The following SLF2 variants were observed in gnomAD, a reference collection of about 807,000 sequenced individuals.
The protein encoded by SLF2 is SMC5-SMC6 complex localization factor protein 2.
A neutral mutation model predicts 124.3 loss-of-function variants in SLF2; 68 were observed. That is an observed-to-expected ratio of 0.55 (90% CI 0.45 to 0.67). The LOEUF (loss-of-function observed/expected upper bound fraction) is 0.67. SLF2 is among the 30% of genes least tolerant of loss of function. SLF2 has a pLI of 0.00. For missense variants in SLF2, 1,246 were observed against 1,373.7 expected (o/e 0.91, Z 1.47); for synonymous variants, 480 against 478.8 (o/e 1.00, Z -0.03).
At chr10:100,923,897 G>T in intron 4 of SLF2, 78 bp from the exon 5 acceptor site, 1 of 1,138,202 alleles carries the variant, frequency 8.8e-7, no homozygotes, top group Non-Finnish European at 1.2e-6. Flanking sequence ...CTTTCATTAG[G>T]GTGTTCTAGA....
Position 100,950,053 on chromosome 10 carries a change from A to G in SLF2, c.3121-23A>G, listed in dbSNP as rs766081847. 3.2e-5 allele frequency: 50 copies of G among 1,544,352 alleles called. No homozygotes were observed. The South Asian group carries it at 4.3e-4, about 13-fold the overall frequency. Reference sequence around the variant, plus strand: ...CAACTATATTATTTAGCTTTGTTCAATGTCTCCTCTTTCTTTTGATAGGTA... The same window carrying G: ...CAACTATATTATTTAGCTTTGTTCAGTGTCTCCTCTTTCTTTTGATAGGTA... On this transcript the variant is annotated intron_variant, in intron 15 of 19. Coordinates refer to ENST00000238961, the MANE Select transcript of SLF2 (RefSeq NM_018121.4).
chr10:100,938,497 C>G, intron 10 of SLF2, 98 bp from the exon 11 acceptor site: 1 of 1,188,354 alleles, frequency 8.4e-7, no homozygotes, highest in Non-Finnish European at 1.2e-6. Flanking sequence ...TCTATAAAAC[C>G]ATTGTAATTA....
rs537680489 is a variant in SLF2, at chr10:100,954,779, C to CA, written c.3331-1665dup. ...GCAACATAGCAAGATGCTGTCTCTACAAAAAAACAAAAACTAGCTAAGTGT... is the reference window on the plus strand; with the variant it reads ...GCAACATAGCAAGATGCTGTCTCTACAAAAAAAACAAAAACTAGCTAAGTGT... On this transcript the variant is annotated intron_variant, in intron 17 of 19. Coordinates refer to ENST00000238961, the MANE Select transcript of SLF2 (RefSeq NM_018121.4). Among the ~76,000 whole-genome samples the CA allele has an allele frequency of 3.9e-5, 6 of 151,934 alleles. No homozygotes were observed. In the East Asian group the frequency reaches 7.7e-4, roughly 20 times the overall value.
intron 4 of SLF2, among the ~76,000 whole-genome samples, chr10:100,920,502 T>A (rs1172263486): frequency 6.6e-6 from 1 of 152,238 alleles, no homozygotes; most frequent in Non-Finnish European, 1.5e-5. Context: ...TGCATGTGTT[T>A]CATAATCACT....
intron 13 of SLF2, among the ~76,000 whole-genome samples, chr10:100,946,680 C>T (rs900352765): frequency 6.6e-6 from 1 of 152,026 alleles, no homozygotes; most frequent in African/African-American, 2.4e-5. Flanking sequence ...GCAAGAAATC[C>T]CAAATCAGGA....
At chr10:100,946,325 C>CTTT (rs34242980) in intron 13 of SLF2, among the ~76,000 whole-genome samples, 6 of 124,960 alleles carry the variant, frequency 4.8e-5, no homozygotes, top group South Asian at 2.6e-4. Flanking sequence ...GGGTGTTAGG[C>CTTT]TTTTTTTTTT....
intron 9 of SLF2, among the ~76,000 whole-genome samples, chr10:100,932,702 TGTGTGTGTGTGTGTGTGTGCGC>T (rs1564775944): frequency 1.4e-5 from 1 of 73,852 alleles, no homozygotes; most frequent in Non-Finnish European, 3.2e-5. Context: ...AGTGTGTGTG[TGTGTGTGTGTGTGTGTGTGCGC>T]GCGCGCGCGC....
At chr10:100,926,595 G>C in intron 6 of SLF2, 1 of 169,908 alleles carries the variant, frequency 5.9e-6, no homozygotes, top group Non-Finnish European at 1.2e-5. Flanking sequence ...GACAGAATAA[G>C]ACCCCGTCTC....
In SLF2 at chr10:100,924,716, C is replaced by T; in HGVS notation, c.1715C>T (p.Pro572Leu). The T allele has an allele frequency of 1.9e-6, 3 of 1,614,158 alleles. No individual in the cohort carries two copies. The highest frequency in any genetic ancestry group is 1.7e-6 in the Non-Finnish European group (2 of 1,180,024). ...VVPCIPSPAA[P>L]SDKAPSEGES... ...CCATGTATCCCAAGCCCTGCAGCAC[C>T]TTCAGATAAAGCCCCTTCAGAAGGA... Residue 572 changes from proline (P) to leucine (L), a missense_variant, in exon 5 of 20, where the codon CCT (proline) becomes CTT (leucine). Physicochemically the swap from Pro to Leu is moderately conservative, Grantham distance 98. This residue lies in a region of SLF2 where 698 missense variants were observed against 708.9 expected (regional missense o/e 0.98). Coordinates refer to ENST00000238961, the MANE Select transcript of SLF2 (RefSeq NM_018121.4).
At chr10:100,945,830 T>C (rs1850094126) in intron 13 of SLF2, among the ~76,000 whole-genome samples, 1 of 152,218 alleles carries the variant, frequency 6.6e-6, no homozygotes, top group African/African-American at 2.4e-5. Context: ...AAGGGTTAGA[T>C]AAACAAGTAA....
intron 12 of SLF2, among the ~76,000 whole-genome samples, chr10:100,944,562 C>T (rs1294363011): frequency 6.6e-6 from 1 of 150,670 alleles, no homozygotes; most frequent in Non-Finnish European, 1.5e-5. Flanking sequence ...AATTTCTTAG[C>T]AATAATCTTT....
Position 100,917,052 on chromosome 10 carries a change from T to TC in SLF2, c.669dup (p.Arg224GlnfsTer12). 6.2e-7 allele frequency: 1 copy of TC among 1,614,170 alleles called. No individual in the cohort carries two copies. Among genetic ancestry groups the TC allele is most frequent in the Non-Finnish European group, 8.5e-7 (1 of 1,180,036 alleles). ...AAGCCTTAGCAGCAGGAGCAGCCTG[T>TC]CCAGGCACCACCCGGAAGAAAGCCC... On this transcript the variant is annotated frameshift_variant, in exon 3 of 20. Coordinates refer to ENST00000238961, the MANE Select transcript of SLF2 (RefSeq NM_018121.4). LOFTEE classifies it high-confidence loss of function.
At chr10:100,913,970 C>T in intron 1 of SLF2, 1 of 773,402 alleles carries the variant, frequency 1.3e-6, no homozygotes, top group Non-Finnish European at 1.6e-6. Flanking sequence ...GGTACAGGCC[C>T]ACAATCCCTT....
intron 9 of SLF2, among the ~76,000 whole-genome samples, chr10:100,935,436 T>C (rs10748801): frequency 0.83 from 126,513 of 151,874 alleles, 52,858 homozygotes; most frequent in African/African-American, 0.86. Context: ...TGCAGTGGCT[T>C]AAGCCTGTAA....
At chr10:100,921,170 A>G (rs1589943828) in intron 4 of SLF2, among the ~76,000 whole-genome samples, 1 of 152,222 alleles carries the variant, frequency 6.6e-6, no homozygotes, top group South Asian at 2.1e-4. Context: ...ATCCATTGCT[A>G]GTACATTTCG....
intron 8 of SLF2, 49 bp downstream of exon 8, chr10:100,930,046 C>A: frequency 8.1e-7 from 1 of 1,236,102 alleles, no homozygotes; most frequent in South Asian, 1.8e-5. Flanking sequence ...AAAAATTACT[C>A]TAAAACACTT....
At chr10:100,923,112 G>T (rs975934353) in intron 4 of SLF2, among the ~76,000 whole-genome samples, 1 of 152,068 alleles carries the variant, frequency 6.6e-6, no homozygotes, top group African/African-American at 2.4e-5. Flanking sequence ...TCATTCAAAT[G>T]TATGTGGTTA....
At chr10:100,946,899 A>G in intron 13 of SLF2, 140 bp from the exon 14 acceptor site, 1 of 660,410 alleles carries the variant, frequency 1.5e-6, no homozygotes, top group Non-Finnish European at 2.7e-6. Context: ...AGCAGATTCT[A>G]GACTCCATGC....
At chr10:100,950,245 G>A (rs1003651693) in intron 16 of SLF2, 38 bp downstream of exon 16, 7 of 1,576,636 alleles carry the variant, frequency 4.4e-6, no homozygotes, top group Non-Finnish European at 6.0e-6. Context: ...GTACATAGAA[G>A]CATAACTGTT....
Sources: allele counts gnomAD v4.1 joint callset (sites outside exome capture counted in the v4.1 genomes callset), GRCh38; gene constraint gnomAD v4.1.1; regional missense constraint gnomAD v4.1.1; transcripts MANE v1.5; gene names NCBI Gene and HGNC (gene_info 2026-07-23, HGNC 2026-07-21).